The following SLC36A1 variants were observed in gnomAD, a reference collection of about 807,000 sequenced individuals.
SLC36A1 encodes proton-coupled amino acid transporter 1.
SLC36A1 carries 30 observed loss-of-function variants against 47.5 expected under a neutral mutation model. The observed-to-expected ratio is 0.63, with a 90% CI of 0.47 to 0.86. SLC36A1 has a LOEUF of 0.86. Among genes scored for constraint, SLC36A1 ranks in the 40% least tolerant of loss-of-function variants. The pLI, the probability that SLC36A1 is intolerant of heterozygous loss-of-function variation, is 0.00. For synonymous variants in SLC36A1, 255 were observed against 249.7 expected (o/e 1.02, Z -0.20); for missense variants, 517 against 606.0 (o/e 0.85, Z 1.54).
At chr5:151,429,213 TTTTA>T in the SLC36A1 span, among the ~76,000 whole-genome samples, 2 of 152,066 alleles carry the variant, frequency 1.3e-5, no homozygotes, top group Non-Finnish European at 2.9e-5. Context: ...TTAAAATTTT[TTTTA>T]TTATTATACT....
At chr5:151,347,499 G>T in the SLC36A1 span, 7 of 1,610,744 alleles carry the variant, frequency 4.3e-6, no homozygotes, top group Non-Finnish European at 5.9e-6. Context: ...TGACAAAGAG[G>T]TCTGCTCTGG....
intron 7 of SLC36A1, chr5:151,469,347 C>G: frequency 1.5e-6 from 1 of 657,600 alleles, no homozygotes; most frequent in East Asian, 2.7e-5. Context: ...GTTACATGTT[C>G]ATCTACCTTG....
At chr5:151,546,937 C>T in the SLC36A1 span, among the ~76,000 whole-genome samples, 1 of 152,136 alleles carries the variant, frequency 6.6e-6, no homozygotes, top group Non-Finnish European at 1.5e-5. Flanking sequence ...TCTCAAGGCT[C>T]CTGAGCAAAT....
chr5:151,537,335 AAAGAAAAG>A, the SLC36A1 span, among the ~76,000 whole-genome samples: 4 of 524 alleles, frequency 7.6e-3, no homozygotes, highest in African/African-American at 0.01. Flanking sequence ...AAAAGAAAGA[AAAGAAAAG>A]AAAAGAAAAA....
chr5:151,507,858 G>A, the SLC36A1 span, among the ~76,000 whole-genome samples: 3 of 152,230 alleles, frequency 2.0e-5, no homozygotes, highest in African/African-American at 7.2e-5. Context: ...TATTTTTCCA[G>A]CAATGAGATC....
chr5:151,424,985 A>G, the SLC36A1 span, among the ~76,000 whole-genome samples: 1 of 152,240 alleles, frequency 6.6e-6, no homozygotes. Context: ...TGGTGTATAA[A>G]GGATACCTCA....
chr5:151,500,363 TTTGTTG>T, the SLC36A1 span, among the ~76,000 whole-genome samples: 12 of 151,656 alleles, frequency 7.9e-5, no homozygotes, highest in Non-Finnish European at 1.3e-4. Context: ...TCATTAGGGT[TTTGTTG>T]TTGTTGTTGT....
the SLC36A1 span, among the ~76,000 whole-genome samples, chr5:151,392,220 T>TA: frequency 6.6e-6 from 1 of 152,138 alleles, no homozygotes; most frequent in African/African-American, 2.4e-5. Context: ...CTGATGGTAG[T>TA]TGTATTTCTG....
At chr5:151,501,478 C>T in the SLC36A1 span, among the ~76,000 whole-genome samples, 2 of 147,860 alleles carry the variant, frequency 1.4e-5, no homozygotes, top group African/African-American at 2.7e-5. Flanking sequence ...GACTCTGGGT[C>T]CCAGGAGGGA....
At chr5:151,355,590 G>T in the SLC36A1 span, among the ~76,000 whole-genome samples, 11 of 152,122 alleles carry the variant, frequency 7.2e-5, no homozygotes, top group African/African-American at 2.7e-4. Flanking sequence ...ACCACAGGAG[G>T]ATAATTGTTC....
At chr5:151,431,839 A>G in the SLC36A1 span, among the ~76,000 whole-genome samples, 1 of 152,180 alleles carries the variant, frequency 6.6e-6, no homozygotes, top group African/African-American at 2.4e-5. Flanking sequence ...ACTAATACAC[A>G]TGGCTTTGGC....
At chr5:151,397,670 G>C in the SLC36A1 span, among the ~76,000 whole-genome samples, 1 of 151,344 alleles carries the variant, frequency 6.6e-6, no homozygotes, top group Non-Finnish European at 1.5e-5. Context: ...AGGCTGAGGC[G>C]GGAGAATCGC....
chr5:151,500,349 T>G, the SLC36A1 span, among the ~76,000 whole-genome samples: 1 of 151,006 alleles, frequency 6.6e-6, no homozygotes, highest in Non-Finnish European at 1.5e-5. Flanking sequence ...TGATAGTACC[T>G]ACCTCATTAG....
At chr5:151,530,074 G>T in the SLC36A1 span, among the ~76,000 whole-genome samples, 1 of 152,076 alleles carries the variant, frequency 6.6e-6, no homozygotes, top group Admixed American at 6.5e-5. Flanking sequence ...CCATTTTACA[G>T]CCCTTAATGA....
At chr5:151,444,606 C>T (rs1752817397), upstream of SLC36A1, among the ~76,000 whole-genome samples, 1 of 152,174 alleles carries the variant, frequency 6.6e-6, no homozygotes, top group Admixed American at 6.5e-5. Flanking sequence ...CTGCCTCAGC[C>T]TCTCAAGTAG....
At chr5:151,521,978 T>C in the SLC36A1 span, 11 of 1,613,926 alleles carry the variant, frequency 6.8e-6, no homozygotes, top group African/African-American at 1.5e-4. Context: ...TCTCCAACAG[T>C]GATGAAGATC....
At chr5:151,499,164 C>G in the SLC36A1 span, among the ~76,000 whole-genome samples, 1 of 152,236 alleles carries the variant, frequency 6.6e-6, no homozygotes, top group Non-Finnish European at 1.5e-5. Flanking sequence ...TGGTTGGACA[C>G]TTTGGATTCA....
At chr5:151,367,374 T>TCCC in the SLC36A1 span, among the ~76,000 whole-genome samples, 60 of 145,532 alleles carry the variant, frequency 4.1e-4, 2 homozygotes, top group African/African-American at 3.9e-4. Context: ...TTTTTTTTTT[T>TCCC]CCCCAGGGTA....
the SLC36A1 span, among the ~76,000 whole-genome samples, chr5:151,392,604 T>C: frequency 6.6e-6 from 1 of 152,248 alleles, no homozygotes; most frequent in East Asian, 1.9e-4. Context: ...ATGTTGTGTC[T>C]TTGTTCTCAT....
Sources: allele counts gnomAD v4.1 joint callset (sites outside exome capture counted in the v4.1 genomes callset), GRCh38; gene constraint gnomAD v4.1.1; transcripts MANE v1.5; gene names NCBI Gene and HGNC (gene_info 2026-07-23, HGNC 2026-07-21).